The following DNER variants were observed in gnomAD, a reference collection of about 807,000 sequenced individuals.
DNER encodes delta/notch like EGF repeat containing, also known as delta and Notch-like epidermal growth factor-related receptor.
In DNER, 33 loss-of-function variants were observed where a neutral mutation model predicts 78.2. The observed-to-expected ratio is 0.42, with a 90% confidence interval of 0.32 to 0.56. DNER has a LOEUF of 0.56. Ranked by LOEUF, DNER falls within the 20% of genes least tolerant of loss-of-function variation. The pLI is 0.11. For missense variants in DNER, 918 were observed against 975.3 expected (o/e 0.94, Z 0.78); for synonymous variants, 417 against 384.8 (o/e 1.08, Z -0.98).
At chr2:229,487,477 T>A (rs1664559176) in intron 6 of DNER, among the ~76,000 whole-genome samples, 1 of 152,192 alleles carries the variant, frequency 6.6e-6, no homozygotes, top group Non-Finnish European at 1.5e-5. Context: ...ATTCAATACC[T>A]CAAAGGGGAA....
intron 5 of DNER, among the ~76,000 whole-genome samples, chr2:229,527,660 CA>C (rs1696233452): frequency 6.6e-6 from 1 of 152,122 alleles, no homozygotes; most frequent in Admixed American, 6.5e-5. Context: ...TGGATTGTAT[CA>C]ATGTTTGAGT....
chr2:229,417,968 C>G (rs188529772), intron 9 of DNER, 140 bp downstream of exon 9: 1 of 1,389,608 alleles, frequency 7.2e-7, no homozygotes, highest in African/African-American at 1.4e-5. Context: ...CTCCTTGGAC[C>G]GATTAATCAT....
intron 6 of DNER, among the ~76,000 whole-genome samples, chr2:229,496,727 C>G (rs933997523): frequency 3.3e-5 from 5 of 152,078 alleles, no homozygotes; most frequent in Admixed American, 2.6e-4. Flanking sequence ...TATATAATGA[C>G]AAAGGGGTCA....
intron 6 of DNER, among the ~76,000 whole-genome samples, chr2:229,501,544 G>T (rs1410899623): frequency 1.3e-5 from 2 of 152,030 alleles, no homozygotes; most frequent in African/African-American, 4.8e-5. Flanking sequence ...CCCTTACCAA[G>T]AAACATTCTC....
At chr2:229,442,807 C>A (rs571336509) in intron 8 of DNER, among the ~76,000 whole-genome samples, 1 of 151,898 alleles carries the variant, frequency 6.6e-6, no homozygotes, top group Non-Finnish European at 1.5e-5. Context: ...CTGTGTCTTT[C>A]GGGACATACA....
chr2:229,606,834 G>A (rs568274425), intron 1 of DNER, among the ~76,000 whole-genome samples: 15 of 152,100 alleles, frequency 9.9e-5, no homozygotes, highest in South Asian at 2.1e-4. Context: ...CGGAGGTTGC[G>A]GTGAGCTGAG....
chr2:229,656,905 T>A (rs1228206789), intron 1 of DNER, among the ~76,000 whole-genome samples: 1 of 152,118 alleles, frequency 6.6e-6, no homozygotes, highest in Admixed American at 6.6e-5. Flanking sequence ...GTATACGACA[T>A]AATGACTTAA....
At chr2:229,676,886 T>A (rs1481095228) in intron 1 of DNER, among the ~76,000 whole-genome samples, 1 of 152,190 alleles carries the variant, frequency 6.6e-6, no homozygotes, top group Non-Finnish European at 1.5e-5. Context: ...ATATACAGCC[T>A]GCAGATACAT....
intron 11 of DNER, among the ~76,000 whole-genome samples, chr2:229,373,158 A>G (rs1692525003): frequency 6.6e-6 from 1 of 152,216 alleles, no homozygotes; most frequent in Admixed American, 6.5e-5. Flanking sequence ...GTAAACAGAC[A>G]ACCGACAGAA....
intron 11 of DNER, among the ~76,000 whole-genome samples, chr2:229,386,896 A>G (rs1262306738): frequency 6.6e-6 from 1 of 152,190 alleles, no homozygotes; most frequent in Non-Finnish European, 1.5e-5. Context: ...AATTTGTTCA[A>G]CCATTGTGGA....
chr2:229,536,987 T>C (rs1031734587), intron 5 of DNER, among the ~76,000 whole-genome samples: 2 of 152,072 alleles, frequency 1.3e-5, no homozygotes, highest in African/African-American at 4.8e-5. Flanking sequence ...AATAAGACCA[T>C]GGAAGAGAGG....
intron 1 of DNER, among the ~76,000 whole-genome samples, chr2:229,702,812 G>C (rs1272698022): frequency 6.6e-6 from 1 of 151,410 alleles, no homozygotes; most frequent in Admixed American, 6.6e-5. Context: ...AGCTACTCGG[G>C]AGGCTGAGGC....
At chr2:229,684,315 G>A (rs1375404708) in intron 1 of DNER, among the ~76,000 whole-genome samples, 1 of 151,690 alleles carries the variant, frequency 6.6e-6, no homozygotes, top group Non-Finnish European at 1.5e-5. Flanking sequence ...GGAGGAGCTA[G>A]GGGAACAGAT....
At chr2:229,540,469 G>A (rs149280932) in intron 5 of DNER, among the ~76,000 whole-genome samples, 68 of 152,226 alleles carry the variant, frequency 4.5e-4, no homozygotes, top group African/African-American at 1.5e-3. Context: ...ACATGGTTTC[G>A]GAACAGGAGA....
chr2:229,668,718 C>T (rs955427063), intron 1 of DNER, among the ~76,000 whole-genome samples: 32 of 151,142 alleles, frequency 2.1e-4, no homozygotes, highest in Middle Eastern at 3.4e-3. Flanking sequence ...AGTCAGGAAA[C>T]AACAGATGCT....
intron 1 of DNER, among the ~76,000 whole-genome samples, chr2:229,686,877 C>T (rs890726798): frequency 6.6e-6 from 1 of 152,198 alleles, no homozygotes; most frequent in Non-Finnish European, 1.5e-5. Context: ...ATTCCCTTCA[C>T]ATCATAACAC....
chr2:229,432,623 C>T (rs1412741375), intron 8 of DNER, among the ~76,000 whole-genome samples: 1 of 152,180 alleles, frequency 6.6e-6, no homozygotes, highest in Non-Finnish European at 1.5e-5. Flanking sequence ...ACTCATCACA[C>T]TTGGGTCTCA....
intron 8 of DNER, among the ~76,000 whole-genome samples, chr2:229,424,448 C>T (rs1379669830): frequency 6.6e-6 from 1 of 152,144 alleles, no homozygotes; most frequent in Non-Finnish European, 1.5e-5. Flanking sequence ...TACTATAGCA[C>T]TGGTTGAATT....
intron 1 of DNER, among the ~76,000 whole-genome samples, chr2:229,684,145 T>TGAGAGA (rs67820927): frequency 3.2e-4 from 39 of 123,066 alleles, no homozygotes; most frequent in African/African-American, 1.2e-3. Flanking sequence ...TCTGTGTATG[T>TGAGAGA]GAGAGAGAGA....
Sources: allele counts gnomAD v4.1 joint callset (sites outside exome capture counted in the v4.1 genomes callset), GRCh38; gene constraint gnomAD v4.1.1; transcripts MANE v1.5; gene names NCBI Gene and HGNC (gene_info 2026-07-23, HGNC 2026-07-21).